Variants in MGAM observed in about 807,000 individuals in gnomAD.
The protein encoded by MGAM is maltase-glucoamylase.
Under a neutral mutation model 358.8 loss-of-function variants are expected in MGAM, and 253 were observed. The observed-to-expected ratio is 0.71, with a 90% CI of 0.64 to 0.78. The LOEUF (loss-of-function observed/expected upper bound fraction) is 0.78, where lower values mean the gene tolerates loss of function less well. Among genes scored for constraint, MGAM ranks in the 30% least tolerant of loss-of-function variants. MGAM has a pLI of 0.00. For synonymous variants in MGAM, 1,105 were observed against 1,227.1 expected (o/e 0.90, Z 2.08); for missense variants, 3,080 against 3,432.6 (o/e 0.90, Z 2.57).
At chr7:142,076,855 A>T (rs756715835) in intron 47 of MGAM, 29 bp downstream of exon 47, 1 of 1,538,984 alleles carries the variant, frequency 6.5e-7, no homozygotes, top group Non-Finnish European at 8.9e-7. Flanking sequence ...GAGATGGTAC[A>T]TTGAGAATTC....
chr7:142,076,101 C>A, intron 45 of MGAM, 102 bp from the exon 46 acceptor site: 1 of 891,938 alleles, frequency 1.1e-6, no homozygotes. Context: ...GGAAATACTG[C>A]CATTTGTGAC....
At chr7:142,001,914 TAAG>T (rs1318162644) in intron 1 of MGAM, among the ~76,000 whole-genome samples, 1 of 152,200 alleles carries the variant, frequency 6.6e-6, no homozygotes, top group African/African-American at 2.4e-5. Flanking sequence ...ATTTCCACAA[TAAG>T]AAGGTGGCAA....
In MGAM at chr7:142,032,842, C is replaced by A. The variant is rs199713065; in HGVS notation, c.1602C>A (p.Ser534=). Residue 534 remains serine, a synonymous_variant, in exon 14 of 71, where the codon TCC becomes TCA. Transcript: ENST00000475668. The stretch of plus-strand genomic sequence containing the variant: ...TCTTGTAGGATATGAATGAAGTCTC[C>A]AACTTTGTTGATGGTTCGGTCTCAG... ...DGIWIDMNEV[S]NFVDGSVSGC... The A allele has an allele frequency of 5.5e-5, 89 of 1,608,956 alleles. No individual in the cohort carries two copies. The East Asian group carries it at 1.9e-3, about 35-fold the overall frequency.
chr7:142,067,503 G>C, intron 42 of MGAM, 78 bp downstream of exon 42: 1 of 1,172,436 alleles, frequency 8.5e-7, no homozygotes, highest in South Asian at 1.4e-5. Flanking sequence ...AGAGGCCTGA[G>C]CTGGTGGGGG....
At chr7:142,092,684 G>A (rs1815512221) in intron 59 of MGAM, 76 bp downstream of exon 59, 2 of 1,317,432 alleles carry the variant, frequency 1.5e-6, no homozygotes, top group Admixed American at 2.0e-5. Flanking sequence ...CCGAGGCCAG[G>A]GGTGGCCGCA....
At chr7:141,997,032 G>A (rs888185608) in intron 1 of MGAM, among the ~76,000 whole-genome samples, 26 of 152,154 alleles carry the variant, frequency 1.7e-4, no homozygotes, top group Admixed American at 9.8e-4. Flanking sequence ...CTTAAAAAAA[G>A]TTGGATCCTT....
intron 1 of MGAM, among the ~76,000 whole-genome samples, chr7:142,003,920 G>C (rs902526742): frequency 4.4e-4 from 67 of 151,730 alleles, no homozygotes; most frequent in African/African-American, 1.6e-3. Flanking sequence ...GCATACAAGT[G>C]GCCAAAAAAC....
intron 46 of MGAM, 133 bp from the exon 47 acceptor site, chr7:142,076,526 C>G: frequency 2.2e-6 from 2 of 924,206 alleles, no homozygotes; most frequent in Non-Finnish European, 3.4e-6. Flanking sequence ...CTTGAGCAGA[C>G]ACTAGTAGAG....
chr7:142,059,909 C>T lies in MGAM; in HGVS notation c.4002C>T (p.Gly1334=), dbSNP rs377157651. 59 of 1,611,222 alleles carry T rather than the reference C, an allele frequency of 3.7e-5. No homozygotes were observed. The highest frequency in any genetic ancestry group is 4.4e-5 in the South Asian group (4 of 90,288). ...ETQPYPAFTR[G]VEDDVFIKYP... is the part of the protein sequence containing the mutation. The stretch of plus-strand genomic sequence containing the variant: ...AGCCTTATCCTGCCTTCACTCGGGG[C>T]GTGGAGGATGACGTCTTCATCAAAT... The change falls in exon 33 of 71, where the codon GGC becomes GGT. Residue 1334 remains glycine, a synonymous_variant. Coordinates refer to ENST00000475668, the MANE Select transcript of MGAM (RefSeq NM_001365693.1).
Position 142,099,723 on chromosome 7 carries a change from G to T in MGAM, c.7860G>T (p.Leu2620=). 1 of 1,613,950 alleles carries T rather than the reference G, an allele frequency of 6.2e-7. No homozygotes were observed. The highest frequency in any genetic ancestry group is 2.2e-5 in the East Asian group (1 of 44,868). ...GYILPWQEPA[L]NTHLSRQKFM... is the part of the protein sequence containing the mutation. Reference sequence around the variant, plus strand: ...TCCTGCCCTGGCAAGAGCCTGCACTGAACACCCACTTAAGGTAAGTGACAG... The same window carrying T: ...TCCTGCCCTGGCAAGAGCCTGCACTTAACACCCACTTAAGGTAAGTGACAG... Residue 2620 remains leucine (L), a synonymous_variant, in exon 67 of 71, where the codon CTG becomes CTT. Coordinates refer to ENST00000475668, the MANE Select transcript of MGAM (RefSeq NM_001365693.1).
At chr7:142,085,066 C>T (rs1814633513) in intron 54 of MGAM, among the ~76,000 whole-genome samples, 1 of 146,552 alleles carries the variant, frequency 6.8e-6, no homozygotes, top group Non-Finnish European at 1.5e-5. Context: ...TTCCCGCAGC[C>T]CTGGTGCTGT....
In MGAM at chr7:142,037,828, C is replaced by T. The variant is rs192133206; in HGVS notation, c.2232-703C>T. Among the ~76,000 whole-genome samples, 98 of 152,054 alleles carry T rather than the reference C, an allele frequency of 6.4e-4. 1 individual carries two copies. The East Asian group carries it at 0.016, about 25-fold the overall frequency. Reference sequence around the variant, plus strand: ...TATGAGATGTTTTGATATAAGTGTGCGATGTGAAATAAGAACATTATGGGA... The same window carrying T: ...TATGAGATGTTTTGATATAAGTGTGTGATGTGAAATAAGAACATTATGGGA... On this transcript the variant is annotated intron_variant, in intron 18 of 70. Coordinates refer to ENST00000475668, the MANE Select transcript of MGAM (RefSeq NM_001365693.1).
chr7:142,063,846 A>G (rs988025645), intron 36 of MGAM, among the ~76,000 whole-genome samples: 1 of 152,144 alleles, frequency 6.6e-6, no homozygotes, highest in African/African-American at 2.4e-5. Context: ...CTCACAGCTG[A>G]GTTTCTTAGT....
At chr7:142,078,519 CTA>C in intron 48 of MGAM, 49 bp downstream of exon 48, 1 of 1,464,842 alleles carries the variant, frequency 6.8e-7, no homozygotes, top group Non-Finnish European at 9.3e-7. Flanking sequence ...CACACCTAAT[CTA>C]TAGTTTCTTA....
Position 142,022,359 on chromosome 7 carries a change from G to C in MGAM, c.802G>C (p.Glu268Gln). 6.2e-7 allele frequency: 1 copy of C among 1,613,770 alleles called. No individual in the cohort carries two copies. Among genetic ancestry groups the C allele is most frequent in the Non-Finnish European group, 8.5e-7 (1 of 1,179,732 alleles). Residue 268 changes from glutamate (E) to glutamine (Q), a missense_variant, in exon 7 of 71, where the codon GAG becomes CAG. Glu to Gln is a conservative substitution (Grantham distance 29). Around this residue, in one of 5 missense-constraint regions of MGAM, gnomAD observed 1,816 missense variants for 1,840.5 expected, o/e 0.99. Transcript: ENST00000475668. ...TAGCACTAACGTGTATGGCCTGGGA[G>C]AGCATGTGCACCAGCAGTATCGGCA... ...LPSTNVYGLGEHVHQQYRHDM... is the reference protein window; with the variant it reads ...LPSTNVYGLGQHVHQQYRHDM...
chr7:142,010,394 A>G (rs1805511633), intron 3 of MGAM, among the ~76,000 whole-genome samples: 1 of 152,118 alleles, frequency 6.6e-6, no homozygotes, highest in Non-Finnish European at 1.5e-5. Flanking sequence ...GATTTCTGCT[A>G]GTAGTTCTAT....
intron 12 of MGAM, 140 bp from the exon 13 acceptor site, chr7:142,031,540 G>A (rs4374898): frequency 0.41 from 239,875 of 578,132 alleles, 51,513 homozygotes; most frequent in East Asian, 0.62. Context: ...TGTGAGCACC[G>A]CACCTTCTTA....
At chr7:142,099,483 G>A (rs1307092446) in intron 66 of MGAM, 130 bp from the exon 67 acceptor site, 42 of 1,409,642 alleles carry the variant, frequency 3.0e-5, no homozygotes, top group Non-Finnish European at 4.0e-5. Flanking sequence ...AATGGGTAAT[G>A]GCAGGTATGT....
rs909124901 is a variant in MGAM, at chr7:142,086,165, C to T, written c.6637-53C>T. 8 of 1,464,148 alleles carry T rather than the reference C, an allele frequency of 5.5e-6. 1 individual carries two copies. In the African/African-American group the frequency reaches 6.8e-5, roughly 13 times the overall value. The allele number at this position is 1,464,148 out of a possible 1,614,324, so 90.7% of individuals were successfully genotyped here. On this transcript the variant is annotated intron_variant, in intron 55 of 70. Coordinates refer to ENST00000475668, the MANE Select transcript of MGAM (RefSeq NM_001365693.1). ...GGAGGAGTTCTCCTTCATTCTGTTT[C>T]TCTTCATTCTGTGGCTTTGATTTTT...
Sources: allele counts gnomAD v4.1 joint callset (sites outside exome capture counted in the v4.1 genomes callset), GRCh38; gene constraint gnomAD v4.1.1; regional missense constraint gnomAD v4.1.1; transcripts MANE v1.5; gene names NCBI Gene and HGNC (gene_info 2026-07-23, HGNC 2026-07-21).